Variants in RP1 observed in about 807,000 individuals in gnomAD.
RP1 encodes oxygen-regulated protein 1.
In RP1, 16 loss-of-function variants were observed where a neutral mutation model predicts 14.8. The observed-to-expected ratio is 1.08, with a 90% CI of 0.73 to 1.65. RP1 has a LOEUF of 1.65. RP1 is among the 40% of genes most tolerant of loss of function. The pLI is 0.00. For missense variants in RP1, 2,631 were observed against 2,535.0 expected (o/e 1.04, Z -0.81); for synonymous variants, 876 against 883.6 (o/e 0.99, Z 0.15).
chr8:54,721,180 C>T (rs1009161514), intron 16 of RP1, among the ~76,000 whole-genome samples: 1 of 152,228 alleles, frequency 6.6e-6, no homozygotes, highest in African/African-American at 2.4e-5. Flanking sequence ...GCATCAACTT[C>T]TTTTCAGCCT....
At chr8:54,571,421 A>G (rs1484480154) in intron 1 of RP1, among the ~76,000 whole-genome samples, 1 of 152,160 alleles carries the variant, frequency 6.6e-6, no homozygotes, top group Non-Finnish European at 1.5e-5. Flanking sequence ...TGCTTAATGA[A>G]TAGGTTTCTT....
intron 15 of RP1, among the ~76,000 whole-genome samples, chr8:54,709,084 C>T (rs1429510186): frequency 6.6e-6 from 1 of 152,150 alleles, no homozygotes; most frequent in Admixed American, 6.5e-5. Context: ...AGGCTTTGTC[C>T]AGGTTTGCCC....
intron 19 of RP1, among the ~76,000 whole-genome samples, chr8:54,745,511 T>A (rs1809201431): frequency 1.3e-5 from 2 of 152,200 alleles, no homozygotes; most frequent in South Asian, 4.1e-4. Flanking sequence ...ATGGTAATGT[T>A]CTCTTGTGAA....
intron 6 of RP1, among the ~76,000 whole-genome samples, chr8:54,661,132 C>A (rs1806881883): frequency 6.7e-6 from 1 of 148,510 alleles, no homozygotes; most frequent in Non-Finnish European, 1.5e-5. Flanking sequence ...ATGGTAAAAC[C>A]CCATCTCTAT....
intron 16 of RP1, among the ~76,000 whole-genome samples, chr8:54,722,799 C>T (rs1808567689): frequency 6.6e-6 from 1 of 152,110 alleles, no homozygotes; most frequent in Non-Finnish European, 1.5e-5. Context: ...GGAAGAGAAT[C>T]TAAGTTTACA....
intron 24 of RP1, among the ~76,000 whole-genome samples, chr8:54,813,850 G>T (rs1811072754): frequency 6.6e-6 from 1 of 152,176 alleles, no homozygotes; most frequent in South Asian, 2.1e-4. Context: ...TCTCAGAATA[G>T]AATTGTCCAA....
chr8:54,694,133 A>G (rs912444905), intron 12 of RP1, among the ~76,000 whole-genome samples: 10 of 152,058 alleles, frequency 6.6e-5, no homozygotes, highest in Non-Finnish European at 1.2e-4. Context: ...ATTGATTTGC[A>G]TATGTTGAAC....
In RP1 at chr8:54,664,285, G is replaced by A. The variant is rs866756194; in HGVS notation, c.1323+435G>A. Among the ~76,000 whole-genome samples, 9 of 152,218 alleles carry A rather than the reference G, an allele frequency of 5.9e-5. 2 individuals are homozygous for A. The South Asian group carries it at 1.9e-3, about 32-fold the overall frequency. On this transcript the variant is annotated intron_variant, in intron 7 of 22. Transcript: ENST00000636932. ...AACAAACAAACTACATTTTGTTTAT[G>A]ATTTCATTGATTAATGGACATTTGG...
intron 1 of RP1, among the ~76,000 whole-genome samples, chr8:54,593,976 G>C (rs1805090761): frequency 6.6e-6 from 1 of 152,232 alleles, no homozygotes; most frequent in Non-Finnish European, 1.5e-5. Context: ...AGGGCTTGCT[G>C]TCCAGCCCAG....
chr8:54,646,173 CT>C (rs1276992166), intron 3 of RP1, among the ~76,000 whole-genome samples: 3 of 152,232 alleles, frequency 2.0e-5, no homozygotes, highest in Admixed American at 2.0e-4. Context: ...GTCTTACTTG[CT>C]TTTTGACTTC....
chr8:54,746,328 T>C (rs1440713181), intron 19 of RP1, among the ~76,000 whole-genome samples: 1 of 152,216 alleles, frequency 6.6e-6, no homozygotes. Flanking sequence ...GCTTTTGATC[T>C]AGTGGTGGGT....
At chr8:54,844,656 C>G (rs1811870958) in intron 25 of RP1, among the ~76,000 whole-genome samples, 1 of 152,216 alleles carries the variant, frequency 6.6e-6, no homozygotes, top group Admixed American at 6.5e-5. Context: ...GGGCACATCT[C>G]TCTAGGTAAA....
At chr8:54,761,113 T>C (rs1205626795) in intron 22 of RP1, among the ~76,000 whole-genome samples, 1 of 152,210 alleles carries the variant, frequency 6.6e-6, no homozygotes, top group Non-Finnish European at 1.5e-5. Flanking sequence ...GTCACATTAG[T>C]TTAGCTGATT....
chr8:54,827,586 T>A (rs141081953), intron 24 of RP1, among the ~76,000 whole-genome samples: 10 of 152,312 alleles, frequency 6.6e-5, no homozygotes, highest in African/African-American at 2.4e-4. Flanking sequence ...TGCCTCAGCC[T>A]CGCAAAGTGC....
chr8:54,853,356 G>C (rs1812099741), intron 26 of RP1, among the ~76,000 whole-genome samples: 1 of 152,188 alleles, frequency 6.6e-6, no homozygotes, highest in Admixed American at 6.5e-5. Flanking sequence ...GGCAGAGAGA[G>C]AGAGAGACGT....
exon 13 of RP1, chr8:54,699,495 A>G: frequency 7.2e-7 from 1 of 1,390,570 alleles, no homozygotes; most frequent in South Asian, 1.8e-5. Flanking sequence ...TCAACAAAAG[A>G]AATATATGCA....
At chr8:54,867,492 T>C (rs1442598682) in intron 28 of RP1, among the ~76,000 whole-genome samples, 1 of 152,192 alleles carries the variant, frequency 6.6e-6, no homozygotes, top group Non-Finnish European at 1.5e-5. Context: ...CATTACTTAC[T>C]AGCTCTGGGA....
chr8:54,822,320 T>C (rs1811276152), intron 24 of RP1, among the ~76,000 whole-genome samples: 1 of 152,068 alleles, frequency 6.6e-6, no homozygotes, highest in Admixed American at 6.5e-5. Context: ...GCATATTTGA[T>C]TGTAGGAATT....
At chr8:54,698,589 G>A (rs547369885) in intron 12 of RP1, among the ~76,000 whole-genome samples, 9 of 152,230 alleles carry the variant, frequency 5.9e-5, no homozygotes, top group African/African-American at 2.2e-4. Flanking sequence ...ACATGCACAC[G>A]TATGTTTATT....
Sources: allele counts gnomAD v4.1 joint callset (sites outside exome capture counted in the v4.1 genomes callset), GRCh38; gene constraint gnomAD v4.1.1; transcripts MANE v1.5; gene names NCBI Gene and HGNC (gene_info 2026-07-23, HGNC 2026-07-21).